BSN: variants seen among roughly 807,000 people sequenced by gnomAD.
The protein encoded by BSN is bassoon presynaptic cytomatrix protein, also known as protein bassoon.
A neutral mutation model predicts 264.8 loss-of-function variants in BSN; 57 were observed. The observed-to-expected ratio is 0.22, with a 90% CI of 0.17 to 0.27. The LOEUF is 0.27. Ranked by LOEUF, BSN falls within the 10% of genes least tolerant of loss-of-function variation. The pLI is 1.00. For synonymous variants in BSN, 2,059 were observed against 2,137.3 expected (o/e 0.96, Z 1.01); for missense variants, 4,615 against 5,232.5 (o/e 0.88, Z 3.64).
chr3:49,576,969 A>G (rs1161458633), intron 1 of BSN, among the ~76,000 whole-genome samples: 2 of 151,884 alleles, frequency 1.3e-5, no homozygotes, highest in East Asian at 3.9e-4. Context: ...TCTCTCTGGA[A>G]CTCTTCTCCA....
At chr3:49,564,980 A>G (rs893279598) in intron 1 of BSN, among the ~76,000 whole-genome samples, 1 of 151,150 alleles carries the variant, frequency 6.6e-6, no homozygotes, top group Non-Finnish European at 1.5e-5. Flanking sequence ...TCAAACACAC[A>G]TAAAAGGAGA....
chr3:49,659,643 T>C (rs2052637248), intron 5 of BSN, among the ~76,000 whole-genome samples: 1 of 152,082 alleles, frequency 6.6e-6, no homozygotes, highest in Non-Finnish European at 1.5e-5. Flanking sequence ...CAGAGTGAAC[T>C]ACCAGGCAAT....
intron 2 of BSN, among the ~76,000 whole-genome samples, chr3:49,626,243 T>G (rs1170698826): frequency 6.6e-6 from 1 of 152,114 alleles, no homozygotes; most frequent in Non-Finnish European, 1.5e-5. Context: ...AAGCCTCTGT[T>G]TCTCCCCACA....
At chr3:49,636,496 G>A (rs2052420903) in intron 2 of BSN, among the ~76,000 whole-genome samples, 1 of 152,176 alleles carries the variant, frequency 6.6e-6, no homozygotes, top group Admixed American at 6.5e-5. Context: ...AGCAGTGTGG[G>A]AGGAGTTAAG....
At chr3:49,662,597 CA>C (rs1385142196) in intron 6 of BSN, 35 bp downstream of exon 6, 7 of 1,550,572 alleles carry the variant, frequency 4.5e-6, no homozygotes, top group Non-Finnish European at 8.7e-7. Context: ...TGCGGATACT[CA>C]GCAGCTGGGG....
chr3:49,610,910 T>C (rs1161369479), intron 1 of BSN, among the ~76,000 whole-genome samples: 1 of 152,200 alleles, frequency 6.6e-6, no homozygotes, highest in African/African-American at 2.4e-5. Context: ...TGGGTGATCT[T>C]GCCAACTGCA....
chr3:49,556,428 TGCTGCA>T (rs2107994582), intron 1 of BSN, among the ~76,000 whole-genome samples: 1 of 152,352 alleles, frequency 6.6e-6, no homozygotes, highest in Admixed American at 6.5e-5. Context: ...CTGTACATTC[TGCTGCA>T]GGCAGACCCA....
chr3:49,656,144 G>A lies in BSN; in HGVS notation c.6588G>A (p.Ser2196=), dbSNP rs771012310. The change falls in exon 5 of 12, where the codon TCG becomes TCA. Residue 2196 remains serine (S), a synonymous_variant. Transcript: ENST00000296452. ...TVRAADGMIY[S]TINTPIAATL... The stretch of plus-strand genomic sequence containing the variant: ...GTGCAGCTGATGGCATGATCTACTC[G>A]ACTATCAATACCCCAATTGCTGCAA... 5.0e-6 allele frequency: 8 copies of A among 1,612,900 alleles called. No individual in the cohort carries two copies. Among genetic ancestry groups the A allele is most frequent in the African/African-American group, 2.7e-5 (2 of 74,934 alleles).
Position 49,651,159 on chromosome 3 carries a change from A to G in BSN, c.1986+80A>G. On this transcript the variant is annotated intron_variant, in intron 4 of 11. Transcript: ENST00000296452. This position sits in a 1 kb window ranked among gnomAD's most constrained non-coding sequence, Gnocchi z 5.4. Reference sequence around the variant, plus strand: ...AAAGGCTTGCCTCCCTGGGTGGCTGAGGCTGTAGGCTCAGGACAGGTGCCT... The same window carrying G: ...AAAGGCTTGCCTCCCTGGGTGGCTGGGGCTGTAGGCTCAGGACAGGTGCCT... 2 of 1,395,698 alleles carry G rather than the reference A, an allele frequency of 1.4e-6. No individual in the cohort carries two copies. Among genetic ancestry groups the G allele is most frequent in the South Asian group, 2.7e-5 (2 of 74,146 alleles). The allele number at this position is 1,395,698 out of a possible 1,614,324, so 86.5% of individuals were successfully genotyped here.
chr3:49,583,704 A>C (rs1294975403), intron 1 of BSN, among the ~76,000 whole-genome samples: 1 of 152,140 alleles, frequency 6.6e-6, no homozygotes, highest in Non-Finnish European at 1.5e-5. Context: ...CTTTGTGGGA[A>C]GTTTTAAAAT....
At chr3:49,607,061 TG>T (rs1216768923) in intron 1 of BSN, among the ~76,000 whole-genome samples, 1 of 152,188 alleles carries the variant, frequency 6.6e-6, no homozygotes, top group African/African-American at 2.4e-5. Flanking sequence ...CCTGATCATC[TG>T]GGCCAGCGGA....
In BSN at chr3:49,661,321, C is replaced by A. The variant is rs1380831740; in HGVS notation, c.9476C>A (p.Thr3159Asn). 6.2e-7 allele frequency: 1 copy of A among 1,613,986 alleles called. No homozygotes were observed. Among genetic ancestry groups the A allele is most frequent in the South Asian group, 1.1e-5 (1 of 91,088 alleles). The change falls in exon 6 of 12, where the codon ACC becomes AAC. Residue 3159 changes from threonine (T) to asparagine (N), a missense_variant. By Grantham distance (65) the Thr-to-Asn change is moderately conservative (BLOSUM62 0). Transcript: ENST00000296452. ...GCCGACTTGGAGCAGAAGGTGCCCA[C>A]CAACTATGAGGTGATCGCCAGCCCC... ...SLADLEQKVP[T>N]NYEVIASPVV...
At chr3:49,593,441 G>T (rs1366958210) in intron 1 of BSN, among the ~76,000 whole-genome samples, 1 of 152,136 alleles carries the variant, frequency 6.6e-6, no homozygotes, top group Non-Finnish European at 1.5e-5. Flanking sequence ...TGGGTCATTT[G>T]GTAGTTGCAT....
intron 2 of BSN, among the ~76,000 whole-genome samples, chr3:49,639,249 A>G (rs895849924): frequency 3.7e-5 from 5 of 135,336 alleles, no homozygotes; most frequent in Admixed American, 8.1e-5. Flanking sequence ...CCCAGGCTGG[A>G]GTGCAGTGGC....
chr3:49,557,143 G>T (rs1257649838), intron 1 of BSN, among the ~76,000 whole-genome samples: 1 of 152,182 alleles, frequency 6.6e-6, no homozygotes, highest in Non-Finnish European at 1.5e-5. Flanking sequence ...TAGCCCGTCG[G>T]GATGATGTGG....
intron 1 of BSN, among the ~76,000 whole-genome samples, chr3:49,555,386 A>C (rs1051674832): frequency 5.9e-5 from 9 of 152,224 alleles, no homozygotes; most frequent in African/African-American, 1.2e-4. Context: ...CTGGACACCA[A>C]GAGGTGCTTA....
At chr3:49,635,612 TC>T (rs2052415122) in intron 2 of BSN, among the ~76,000 whole-genome samples, 1 of 152,214 alleles carries the variant, frequency 6.6e-6, no homozygotes. Flanking sequence ...TTATCACGTA[TC>T]CATTCTACCA....
chr3:49,606,384 G>A (rs2052152665), intron 1 of BSN, among the ~76,000 whole-genome samples: 1 of 72,936 alleles, frequency 1.4e-5, no homozygotes, highest in South Asian at 5.3e-4. Flanking sequence ...AGTGCCCCCT[G>A]ACCCACCAGG....
rs2052589611 is a variant in BSN, at chr3:49,655,365, A to T, written c.5809A>T (p.Ser1937Cys). ...GGCAGATGCTGCCCCACCTGGCCAA[A>T]GCAGCAGCCCCTTCTATGGTCCCCG... The part of the protein sequence containing the change: ...SMADAAPPGQ[S>C]SSPFYGPRDP... Residue 1937 changes from serine to cysteine, a missense_variant, in exon 5 of 12, where the codon AGC becomes TGC. Coordinates refer to ENST00000296452, the MANE Select transcript of BSN (RefSeq NM_003458.4). 6.3e-7 allele frequency: 1 copy of T among 1,592,252 alleles called. No homozygotes were observed. Among genetic ancestry groups the T allele is most frequent in the African/African-American group, 1.3e-5 (1 of 74,560 alleles).
Sources: gnomAD v4.1 joint callset for allele counts (sites outside exome capture counted in the v4.1 genomes callset) on GRCh38, gnomAD v4.1.1 for gene constraint, Gnocchi (gnomAD v3.1) non-coding constraint, MANE v1.5 for transcripts, NCBI Gene and HGNC (gene_info 2026-07-23, HGNC 2026-07-21) for gene names.